Variants in CTSG observed in about 807,000 individuals in gnomAD.
The protein encoded by CTSG is cathepsin G.
A neutral mutation model predicts 23.0 loss-of-function variants in CTSG; 23 were observed. The observed-to-expected ratio is 1.00, with a 90% confidence interval of 0.72 to 1.42. CTSG has a LOEUF of 1.42. CTSG is among the 40% of genes most tolerant of loss of function. The pLI, the probability that CTSG is intolerant of heterozygous loss-of-function variation, is 0.00. For synonymous variants in CTSG, 140 were observed against 130.4 expected, an observed-to-expected ratio of 1.07 and a Z score of -0.50; for missense variants, 312 against 326.2, an observed-to-expected ratio of 0.96 and a Z score of 0.33.
At position 24,573,795 on chromosome 14, in the gene CTSG, G is replaced by T; in HGVS notation, c.610C>A (p.Pro204Thr). The T allele has an allele frequency of 6.2e-7, 1 of 1,614,006 alleles. No homozygotes were observed. The highest frequency in any genetic ancestry group is 8.5e-7 in the Non-Finnish European group (1 of 1,179,970). The change falls in exon 5 of 5, where the codon CCC becomes ACC. Residue 204 changes from proline to threonine, a missense_variant. Transcript: ENST00000216336. ...TGGGCCACATTGTTACACAGCAGGG[G>T]GCCTCCGGAATCCCCCTGTAGGTAG... Reference protein sequence around the residue: ...KAAFKGDSGGPLLCNNVAHGI... With the variant: ...KAAFKGDSGGTLLCNNVAHGI...
At position 24,574,591 on chromosome 14, in the gene CTSG, G is replaced by A. The variant is rs140570690; in HGVS notation, c.339+84C>T. 2.3e-4 allele frequency: 364 copies of A among 1,610,598 alleles called. No homozygotes were observed. The African/African-American group carries it at 3.9e-3, about 17-fold the overall frequency. Reference sequence around the variant, plus strand: ...GCAGTACACATCCCATGCCCTCCCCGCCACCCCGGAGCCTTGCCCTCACTT... The same window carrying A: ...GCAGTACACATCCCATGCCCTCCCCACCACCCCGGAGCCTTGCCCTCACTT... On this transcript the variant is annotated intron_variant, in intron 3 of 4. Transcript: ENST00000216336.
Position 24,573,548 on chromosome 14 carries a change from G to A in CTSG, c.*89C>T. On this transcript the variant is annotated 3_prime_UTR_variant, in exon 5 of 5. Coordinates refer to ENST00000216336, the MANE Select transcript of CTSG (RefSeq NM_001911.3). ...ACTGAATGACGTTTAATGAACAAAT[G>A]AGGAATTGGTTATTTATACTCTGTG... 6.3e-6 allele frequency: 8 copies of A among 1,273,982 alleles called. No individual in the cohort carries two copies. In the South Asian group the frequency reaches 8.9e-5, roughly 14 times the overall value. The allele number at this position is 1,273,982 out of a possible 1,614,324, so 78.9% of individuals were successfully genotyped here.
At chr14:24,573,904 C>A (rs938315669) in intron 4 of CTSG, 94 bp from the exon 5 acceptor site, 3 of 1,167,404 alleles carry the variant, frequency 2.6e-6, no homozygotes, top group African/African-American at 1.5e-5. Context: ...GGTGGGTGGG[C>A]CCCTTCAATT....
chr14:24,574,986 T>C (rs556884083), intron 2 of CTSG, 176 bp from the exon 3 acceptor site: 31 of 822,544 alleles, frequency 3.8e-5, no homozygotes, highest in African/African-American at 3.6e-4. Flanking sequence ...GATGACAGGG[T>C]GGTACTTGCC....
At position 24,574,343 on chromosome 14, in the gene CTSG, C is replaced by T; in HGVS notation, c.496G>A (p.Val166Met). The T allele has an allele frequency of 6.2e-7, 1 of 1,607,020 alleles. No individual in the cohort carries two copies. Residue 166 changes from valine to methionine, a missense_variant, in exon 4 of 5, where the codon GTG (valine) becomes ATG (methionine). Coordinates refer to ENST00000216336, the MANE Select transcript of CTSG (RefSeq NM_001911.3). ...TDTLREVQLR[V>M]QRDRQCLRIF... ...CGGAGGCACTGCCTATCCCTCTGCA[C>T]TCTCAGCTGCACCTCTCGGAGTGTA...
Position 24,574,810 on chromosome 14 carries a change from G to A in CTSG, c.204C>T (p.Ser68=). ...FVLTAAHCWG[S]NINVTLGAHN... Reference sequence around the variant, plus strand: ...GGGCGCCCAGGGTGACATTTATATTGCTGCAAAAGCAAGAGGTAGGTCTGG... The same window carrying A: ...GGGCGCCCAGGGTGACATTTATATTACTGCAAAAGCAAGAGGTAGGTCTGG... The change falls in exon 3 of 5, where the codon AGC becomes AGT. Residue 68 remains serine (S), a splice_region_variant and synonymous_variant. Transcript: ENST00000216336. 1.9e-6 allele frequency: 3 copies of A among 1,613,484 alleles called. No individual in the cohort carries two copies. Among genetic ancestry groups the A allele is most frequent in the Non-Finnish European group, 1.7e-6 (2 of 1,180,034 alleles).
rs1342987218 is a variant in CTSG at position 24,575,406 on chromosome 14, A to T, written c.62T>A (p.Ile21Asn). The change falls in exon 2 of 5, where the codon ATC (isoleucine) becomes AAC (asparagine). Residue 21 changes from isoleucine to asparagine, a missense_variant. By Grantham distance (149) the Ile-to-Asn change is moderately radical. Coordinates refer to ENST00000216336, the MANE Select transcript of CTSG (RefSeq NM_001911.3). ...GGGCCTGCTCTCCCGGCCTCCGATGATCTCCCCTGGAAGGAAGCATTTGGC... is the reference window on the plus strand; with the variant it reads ...GGGCCTGCTCTCCCGGCCTCCGATGTTCTCCCCTGGAAGGAAGCATTTGGC... The part of the protein sequence containing the change: ...LLPTGAEAGE[I>N]IGGRESRPHS... 6.2e-7 allele frequency: 1 copy of T among 1,614,072 alleles called. No homozygotes were observed. Among genetic ancestry groups the T allele is most frequent in the Non-Finnish European group, 8.5e-7 (1 of 1,179,992 alleles).
chr14:24,574,657 G>A lies in CTSG; in HGVS notation c.339+18C>T. ...CCGGACACACTAGGAAGGAGCCAGA[G>A]GGCCAGGTAGGTGGTACCTGCAATA... On this transcript the variant is annotated intron_variant, in intron 3 of 4. Coordinates refer to ENST00000216336, the MANE Select transcript of CTSG (RefSeq NM_001911.3). The A allele has an allele frequency of 6.2e-7, 1 of 1,614,222 alleles. No individual in the cohort carries two copies. The highest frequency in any genetic ancestry group is 8.5e-7 in the Non-Finnish European group (1 of 1,180,048).
At position 24,574,437 on chromosome 14, in the gene CTSG, C is replaced by T. The variant is rs759496539; in HGVS notation, c.402G>A (p.Glu134=). The T allele has an allele frequency of 9.3e-6, 15 of 1,613,920 alleles. No individual in the cohort carries two copies. The highest frequency in any genetic ancestry group is 9.3e-6 in the Non-Finnish European group (11 of 1,180,036). ...VNPVALPRAQ[E]GLRPGTLCTV... ...TGCACAGCGTCCCGGGTCTCAGTCC[C>T]TCCTGGGCTCTAGGCAGAGCCACTG... The change falls in exon 4 of 5, where the codon GAG becomes GAA. Residue 134 remains glutamate (E), a synonymous_variant. Transcript: ENST00000216336.
At chr14:24,574,636 A>G in intron 3 of CTSG, 39 bp downstream of exon 3, 3 of 1,613,938 alleles carry the variant, frequency 1.9e-6, no homozygotes, top group Non-Finnish European at 2.5e-6. Context: ...TTGTCCCCGG[A>G]CACACTAGGA....
In CTSG at chr14:24,574,474, C is replaced by G. The variant is rs759013839; in HGVS notation, c.365G>C (p.Arg122Pro). ...LQLSRRVRRNRNVNPVALPRA... is the reference protein window; with the variant it reads ...LQLSRRVRRNPNVNPVALPRA... ...AGGCAGAGCCACTGGGTTCACGTTT[C>G]GATTCCGTCTGACTCTTCTGCTCAG... The change falls in exon 4 of 5, where the codon CGA becomes CCA. Residue 122 changes from arginine to proline, a missense_variant. Transcript: ENST00000216336. The G allele has an allele frequency of 6.2e-7, 1 of 1,613,888 alleles. No homozygotes were observed. The highest frequency in any genetic ancestry group is 1.7e-5 in the Admixed American group (1 of 60,010).
intron 2 of CTSG, 173 bp downstream of exon 2, chr14:24,575,092 G>C (rs2066735255): frequency 1.3e-6 from 1 of 740,918 alleles, no homozygotes. Context: ...TGCTCTTTTT[G>C]ATCTTATCCT....
rs1192581133 is a variant in CTSG at position 24,573,777 on chromosome 14, C to T, written c.628G>A (p.Val210Met). The change falls in exon 5 of 5, where the codon GTG becomes ATG. Residue 210 changes from valine (V) to methionine (M), a missense_variant. Transcript: ENST00000216336. ...DSGGPLLCNN[V>M]AHGIVSYGKS... is the part of the protein sequence containing the mutation. ...CCATAGGAGACGATGCCGTGGGCCACATTGTTACACAGCAGGGGGCCTCCG... is the reference window on the plus strand; with the variant it reads ...CCATAGGAGACGATGCCGTGGGCCATATTGTTACACAGCAGGGGGCCTCCG... 6.2e-7 allele frequency: 1 copy of T among 1,613,984 alleles called. No individual in the cohort carries two copies.
chr14:24,576,151 G>T lies in CTSG; in HGVS notation c.55+18C>A, dbSNP rs1277802971. 3 of 1,605,630 alleles carry T rather than the reference G, an allele frequency of 1.9e-6. No homozygotes were observed. Among genetic ancestry groups the T allele is most frequent in the Non-Finnish European group, 1.7e-6 (2 of 1,175,910 alleles). ...ATGGGATGAGGTCAGGCCTCTGAGG[G>T]TGGGGATGGTCACTCACCTGCCTCA... On this transcript the variant is annotated intron_variant, in intron 1 of 4. Transcript: ENST00000216336.
rs2066725879 is a variant in CTSG, at chr14:24,573,687, T to C, written c.718A>G (p.Thr240Ala). Residue 240 changes from threonine to alanine, a missense_variant, in exon 5 of 5, where the codon ACA (threonine) becomes GCA (alanine). Thr to Ala is a moderately conservative substitution (Grantham distance 58). Transcript: ENST00000216336. The stretch of plus-strand genomic sequence containing the variant: ...AGCAGTTTGAAGCTTCTCATTGTTG[T>C]CCTTATCCAGGGCAGGAAACTTGAG... ...RVSSFLPWIR[T>A]TMRSFKLLDQ... is the part of the protein sequence containing the mutation. The C allele has an allele frequency of 6.2e-7, 1 of 1,614,038 alleles. No homozygotes were observed. Among genetic ancestry groups the C allele is most frequent in the Non-Finnish European group, 8.5e-7 (1 of 1,180,018 alleles).
At position 24,575,033 on chromosome 14, in the gene CTSG, C is replaced by G. The variant is rs989058570; in HGVS notation, c.204-223G>C. 7 of 695,736 alleles carry G rather than the reference C, an allele frequency of 1.0e-5. 1 individual carries two copies. In the Admixed American group the frequency reaches 2.0e-4, roughly 20 times the overall value. The allele number at this position is 695,736 out of a possible 1,614,324, so 43.1% of individuals were successfully genotyped here. On this transcript the variant is annotated intron_variant, in intron 2 of 4. Coordinates refer to ENST00000216336, the MANE Select transcript of CTSG (RefSeq NM_001911.3). Reference sequence around the variant, plus strand: ...TTCCCCAGATTAAGTTGATAAATAGCCTGAGTTTATATTTTGAGCCCCAAT... The same window carrying G: ...TTCCCCAGATTAAGTTGATAAATAGGCTGAGTTTATATTTTGAGCCCCAAT...
At chr14:24,575,686 G>A (rs542399784) in intron 1 of CTSG, among the ~76,000 whole-genome samples, 1 of 152,296 alleles carries the variant, frequency 6.6e-6, no homozygotes, top group South Asian at 2.1e-4. Context: ...AACAACCCTT[G>A]TTCCAGGCAA....
chr14:24,575,447 T>A (rs1235163228), intron 1 of CTSG, 35 bp from the exon 2 acceptor site: 1 of 1,612,496 alleles, frequency 6.2e-7, no homozygotes, highest in African/African-American at 1.3e-5. Flanking sequence ...GCTCTATGCT[T>A]GCTGAACCTG....
intron 4 of CTSG, 89 bp from the exon 5 acceptor site, chr14:24,573,899 G>C: frequency 8.0e-7 from 1 of 1,246,124 alleles, no homozygotes; most frequent in Non-Finnish European, 1.1e-6. Flanking sequence ...GCAGGGGTGG[G>C]TGGGCCCCTT....
Sources: gnomAD v4.1 joint callset for allele counts (sites outside exome capture counted in the v4.1 genomes callset) on GRCh38, gnomAD v4.1.1 for gene constraint, MANE v1.5 for transcripts, NCBI Gene and HGNC (gene_info 2026-07-23, HGNC 2026-07-21) for gene names.